Variants in ITFG1 observed in about 807,000 individuals in gnomAD.
ITFG1 encodes the protein integrin alpha FG-GAP repeat containing 1.
In ITFG1, 34 loss-of-function variants were observed where a neutral mutation model predicts 81.8. That is an observed-to-expected ratio of 0.42 (90% CI 0.32 to 0.55). ITFG1 has a LOEUF of 0.55. Among genes scored for constraint, ITFG1 ranks in the 20% least tolerant of loss-of-function variants. The probability of loss-of-function intolerance (pLI) is 0.17; values close to 1 mark genes in which losing one functional copy is unlikely to be tolerated. For synonymous variants in ITFG1, 285 were observed against 270.6 expected, an observed-to-expected ratio of 1.05 and a Z score of -0.52; for missense variants, 672 against 755.4, an observed-to-expected ratio of 0.89 and a Z score of 1.29.
chr16:47,388,148 AC>A (rs1426048989), intron 6 of ITFG1, among the ~76,000 whole-genome samples: 3 of 152,170 alleles, frequency 2.0e-5, no homozygotes, highest in African/African-American at 7.2e-5. Context: ...AGCCTGAAAA[AC>A]AGAGAGAAAA....
chr16:47,348,550 T>C (rs1036569268), intron 8 of ITFG1, among the ~76,000 whole-genome samples: 5 of 152,134 alleles, frequency 3.3e-5, no homozygotes, highest in African/African-American at 7.2e-5. Context: ...CCAAGAAATA[T>C]GGGACTATGT....
chr16:47,268,336 C>G (rs1227006834), intron 10 of ITFG1, among the ~76,000 whole-genome samples: 11 of 152,098 alleles, frequency 7.2e-5, no homozygotes. Context: ...CCAAAGCTTA[C>G]TCAAGAAGAG....
chr16:47,396,147 GAGA>G (rs1296766947), intron 6 of ITFG1: 21 of 985,018 alleles, frequency 2.1e-5, no homozygotes, highest in African/African-American at 3.5e-5. Flanking sequence ...GGGTGGTCAG[GAGA>G]AGGAGAGATA....
intron 5 of ITFG1, among the ~76,000 whole-genome samples, chr16:47,435,649 A>G (rs1969156597): frequency 1.3e-5 from 2 of 152,206 alleles, no homozygotes; most frequent in African/African-American, 2.4e-5. Flanking sequence ...ATATTGAATT[A>G]TCATTATTTA....
intron 8 of ITFG1, among the ~76,000 whole-genome samples, chr16:47,325,830 A>T (rs1447018861): frequency 1.3e-5 from 2 of 152,092 alleles, no homozygotes; most frequent in Non-Finnish European, 2.9e-5. Context: ...AGGCAATAAT[A>T]AATAGCTTAC....
chr16:47,317,177 A>G (rs1360599967), intron 8 of ITFG1, among the ~76,000 whole-genome samples: 2 of 152,222 alleles, frequency 1.3e-5, no homozygotes, highest in Non-Finnish European at 2.9e-5. Context: ...CAAATTACAA[A>G]TGAAATTCTT....
intron 10 of ITFG1, among the ~76,000 whole-genome samples, chr16:47,291,189 C>T (rs1217674066): frequency 6.6e-6 from 1 of 151,964 alleles, no homozygotes; most frequent in Non-Finnish European, 1.5e-5. Context: ...TATTCTCGGT[C>T]GTATCATGTA....
intron 10 of ITFG1, among the ~76,000 whole-genome samples, chr16:47,304,733 C>T (rs890190812): frequency 2.6e-5 from 4 of 152,088 alleles, no homozygotes; most frequent in Admixed American, 6.5e-5. Flanking sequence ...ATTCCACACA[C>T]GATAACCACT....
At chr16:47,347,624 C>T (rs1020993856) in intron 8 of ITFG1, among the ~76,000 whole-genome samples, 1 of 152,236 alleles carries the variant, frequency 6.6e-6, no homozygotes, top group African/African-American at 2.4e-5. Flanking sequence ...GGGGGCAGGG[C>T]ATAGCCGAAC....
At chr16:47,179,064 AAGTC>A (rs1215265675) in intron 14 of ITFG1, among the ~76,000 whole-genome samples, 4 of 152,126 alleles carry the variant, frequency 2.6e-5, no homozygotes, top group African/African-American at 9.7e-5. Flanking sequence ...GATCATTAAA[AAGTC>A]AGGAAACAAC....
At chr16:47,277,870 A>C (rs551067729) in intron 10 of ITFG1, among the ~76,000 whole-genome samples, 1 of 152,296 alleles carries the variant, frequency 6.6e-6, no homozygotes, top group East Asian at 1.9e-4. Flanking sequence ...CAGCACATAC[A>C]CTTATTTCAG....
Position 47,457,990 on chromosome 16 carries a change from T to C in ITFG1, c.281+1113A>G, listed in dbSNP as rs575766299. Reference sequence around the variant, plus strand: ...CTTTTTAACATGAGTTTGAGTTTACTCAAAATACTGTAGAGTCTGAGAACT... The same window carrying C: ...CTTTTTAACATGAGTTTGAGTTTACCCAAAATACTGTAGAGTCTGAGAACT... On this transcript the variant is annotated intron_variant, in intron 2 of 17. Coordinates refer to ENST00000320640, the MANE Select transcript of ITFG1 (RefSeq NM_030790.5). Among the ~76,000 whole-genome samples the C allele has an allele frequency of 1.0e-3, 153 of 152,356 alleles. 1 individual carries two copies. The highest frequency in any genetic ancestry group is 3.4e-3 in the African/African-American group (142 of 41,580).
intron 14 of ITFG1, among the ~76,000 whole-genome samples, chr16:47,176,509 C>T (rs1421157014): frequency 6.6e-6 from 1 of 152,186 alleles, no homozygotes; most frequent in Non-Finnish European, 1.5e-5. Context: ...TATGTCATTA[C>T]ATAGGGACTC....
intron 8 of ITFG1, among the ~76,000 whole-genome samples, chr16:47,329,435 T>C (rs964099350): frequency 6.6e-6 from 1 of 152,170 alleles, no homozygotes; most frequent in Admixed American, 6.6e-5. Context: ...TTTAGGAGCA[T>C]GGGCTTAAGT....
chr16:47,267,964 T>C (rs751353362), intron 10 of ITFG1, among the ~76,000 whole-genome samples: 3 of 151,882 alleles, frequency 2.0e-5, no homozygotes, highest in Admixed American at 6.6e-5. Context: ...ATGACCTCAG[T>C]TACCTTCTTA....
chr16:47,374,637 G>A (rs1041088209), intron 7 of ITFG1, among the ~76,000 whole-genome samples: 2 of 151,958 alleles, frequency 1.3e-5, no homozygotes, highest in Admixed American at 6.6e-5. Context: ...CTTAATGTAC[G>A]GCAGTCATAA....
At chr16:47,390,463 TTTA>T (rs1968516074) in intron 6 of ITFG1, among the ~76,000 whole-genome samples, 1 of 152,138 alleles carries the variant, frequency 6.6e-6, no homozygotes, top group Admixed American at 6.6e-5. Context: ...TTTATTATTA[TTTA>T]TTTATTTATT....
rs9932910 is a variant in ITFG1 at position 47,340,939 on chromosome 16, C to T, written c.802+24849G>A. On this transcript the variant is annotated intron_variant, in intron 8 of 17. Transcript: ENST00000320640. ...AGGACAATTCACCAAGAAGATATAA[C>T]AACTGTAATCATACATACACCTAAA... 6.8e-3 allele frequency among the ~76,000 whole-genome samples: 1,033 copies of T among 152,070 alleles called. 11 individuals are homozygous for T. Among genetic ancestry groups the T allele is most frequent in the African/African-American group, 0.024 (982 of 41,488 alleles).
At chr16:47,314,214 T>G (rs1257746576) in intron 8 of ITFG1, among the ~76,000 whole-genome samples, 1 of 152,204 alleles carries the variant, frequency 6.6e-6, no homozygotes, top group African/African-American at 2.4e-5. Flanking sequence ...ATGTATAGTG[T>G]TGGTAAGAGA....
Sources: allele counts gnomAD v4.1 joint callset (sites outside exome capture counted in the v4.1 genomes callset), GRCh38; gene constraint gnomAD v4.1.1; transcripts MANE v1.5; gene names NCBI Gene and HGNC (gene_info 2026-07-23, HGNC 2026-07-21).